Variants in LYRM4 observed in about 807,000 individuals in gnomAD.
LYRM4 encodes LYR motif-containing protein 4.
In LYRM4, 9 loss-of-function variants were observed where a neutral mutation model predicts 11.7. That is an observed-to-expected ratio of 0.77 (90% CI 0.46 to 1.34). The LOEUF (loss-of-function observed/expected upper bound fraction) is 1.34, where lower values mean the gene tolerates loss of function less well. LYRM4 is among the 40% of genes most tolerant of loss of function. LYRM4 has a pLI of 0.00. For missense variants in LYRM4, 133 were observed against 112.5 expected (o/e 1.18, Z -0.82); for synonymous variants, 42 against 40.4 (o/e 1.04, Z -0.15).
At chr6:5,209,354 C>A (rs1761870924) in intron 2 of LYRM4, among the ~76,000 whole-genome samples, 1 of 152,160 alleles carries the variant, frequency 6.6e-6, no homozygotes, top group African/African-American at 2.4e-5. Flanking sequence ...ACCTTGGCCC[C>A]CCAAAGTGCT....
chr6:5,172,561 T>C (rs1467890478), intron 2 of LYRM4, among the ~76,000 whole-genome samples: 1 of 152,142 alleles, frequency 6.6e-6, no homozygotes, highest in East Asian at 1.9e-4. Flanking sequence ...TCTCACATCC[T>C]GGACCTGTGG....
chr6:5,060,458 T>G, the LYRM4 span, among the ~76,000 whole-genome samples: 1 of 152,304 alleles, frequency 6.6e-6, no homozygotes, highest in Non-Finnish European at 1.5e-5. Context: ...AGGTTTTTTT[T>G]AGTTGCCTAC....
downstream of LYRM4, chr6:5,104,873 T>TTC (rs1762614212): frequency 1.3e-5 from 2 of 152,290 alleles, no homozygotes; most frequent in South Asian, 4.1e-4. Flanking sequence ...CTGACTCGAC[T>TTC]TTTTCTTTTC....
At chr6:5,199,719 A>C (rs1169087054) in intron 2 of LYRM4, among the ~76,000 whole-genome samples, 1 of 152,228 alleles carries the variant, frequency 6.6e-6, no homozygotes, top group Non-Finnish European at 1.5e-5. Context: ...GCCTGAAAAA[A>C]GTTGGTGTTC....
chr6:5,229,170 T>A (rs1029469838), intron 1 of LYRM4, among the ~76,000 whole-genome samples: 1 of 152,108 alleles, frequency 6.6e-6, no homozygotes, highest in African/African-American at 2.4e-5. Context: ...TTTTTTAACG[T>A]CGTGGCTCTT....
intron 1 of LYRM4, among the ~76,000 whole-genome samples, chr6:5,250,697 A>T (rs1213720679): frequency 6.7e-6 from 1 of 149,392 alleles, no homozygotes; most frequent in Non-Finnish European, 1.5e-5. Flanking sequence ...CTCTATATGA[A>T]ATCCAGTAAT....
chr6:5,059,653 T>A, the LYRM4 span, among the ~76,000 whole-genome samples: 1 of 152,208 alleles, frequency 6.6e-6, no homozygotes, highest in Non-Finnish European at 1.5e-5. Flanking sequence ...TGAATCATCC[T>A]AAAAATCCTT....
chr6:5,213,118 C>T (rs1762071588), intron 2 of LYRM4, among the ~76,000 whole-genome samples: 1 of 152,158 alleles, frequency 6.6e-6, no homozygotes, highest in Non-Finnish European at 1.5e-5. Context: ...TAAGACTATC[C>T]TTCAGTTTCT....
intron 1 of LYRM4, among the ~76,000 whole-genome samples, chr6:5,228,299 TAG>T (rs1295096836): frequency 6.6e-6 from 1 of 152,044 alleles, no homozygotes; most frequent in African/African-American, 2.4e-5. Flanking sequence ...TTTTTTGAGA[TAG>T]AGTCTTGCTC....
chr6:5,199,659 T>G (rs759033940), intron 2 of LYRM4, among the ~76,000 whole-genome samples: 2 of 152,096 alleles, frequency 1.3e-5, no homozygotes, highest in Non-Finnish European at 2.9e-5. Flanking sequence ...GGCCCTGAAG[T>G]TGAGAAAAAT....
At chr6:5,223,109 A>G (rs75136724) in intron 1 of LYRM4, among the ~76,000 whole-genome samples, 250 of 152,360 alleles carry the variant, frequency 1.6e-3, no homozygotes, top group Non-Finnish European at 3.0e-3. Flanking sequence ...CTGGACTCCA[A>G]GGTTAAGAGA....
chr6:5,226,073 T>A (rs1762875858), intron 1 of LYRM4, among the ~76,000 whole-genome samples: 1 of 152,246 alleles, frequency 6.6e-6, no homozygotes, highest in African/African-American at 2.4e-5. Context: ...AGTTACAATA[T>A]TCACTCTGGT....
chr6:5,211,325 C>T (rs1016313647), intron 2 of LYRM4, among the ~76,000 whole-genome samples: 7 of 152,154 alleles, frequency 4.6e-5, no homozygotes, highest in African/African-American at 1.7e-4. Context: ...CACATTCAAA[C>T]ACTGAACCAT....
the LYRM4 span, chr6:5,086,488 C>T: frequency 6.5e-7 from 1 of 1,537,580 alleles, no homozygotes; most frequent in Non-Finnish European, 8.7e-7. Flanking sequence ...CCGCTGCGCG[C>T]AGGGCGAGTA....
At chr6:5,242,919 G>A (rs1205316912) in intron 1 of LYRM4, among the ~76,000 whole-genome samples, 8 of 149,976 alleles carry the variant, frequency 5.3e-5, no homozygotes, top group East Asian at 2.1e-4. Context: ...GACTACAGGC[G>A]CCCGCCACCG....
intron 2 of LYRM4, chr6:5,186,717 T>G: frequency 1.0e-6 from 1 of 999,096 alleles, no homozygotes; most frequent in Non-Finnish European, 1.2e-6. Flanking sequence ...GGCACAGTGG[T>G]TCACACCTGT....
At chr6:5,110,398 T>C (rs1261363921) in intron 2 of LYRM4, among the ~76,000 whole-genome samples, 2 of 152,198 alleles carry the variant, frequency 1.3e-5, no homozygotes, top group Non-Finnish European at 2.9e-5. Context: ...AAGGCGATCA[T>C]GTCATTACTA....
intron 2 of LYRM4, among the ~76,000 whole-genome samples, chr6:5,202,025 C>G (rs76843209): frequency 0.012 from 1,752 of 152,316 alleles, 32 homozygotes; most frequent in African/African-American, 0.04. Flanking sequence ...TGATCCATGC[C>G]TGCGGCACCT....
the LYRM4 span, chr6:5,086,531 T>A: frequency 6.5e-7 from 1 of 1,531,622 alleles, no homozygotes; most frequent in Non-Finnish European, 8.8e-7. Context: ...AACTACACGC[T>A]GCGCTACGCG....
Sources: gnomAD v4.1 joint callset for allele counts (sites outside exome capture counted in the v4.1 genomes callset) on GRCh38, gnomAD v4.1.1 for gene constraint, MANE v1.5 for transcripts, NCBI Gene and HGNC (gene_info 2026-07-23, HGNC 2026-07-21) for gene names.